ELAVL1: variants seen among roughly 807,000 people sequenced by gnomAD.
ELAVL1 encodes the protein ELAV-like protein 1.
A neutral mutation model predicts 28.4 loss-of-function variants in ELAVL1; 1 was observed. That is an observed-to-expected ratio of 0.04 (90% CI 0.01 to 0.17). The LOEUF is 0.17. ELAVL1 is among the 10% of genes least tolerant of loss of function. ELAVL1 has a pLI of 1.00. For synonymous variants in ELAVL1, 174 were observed against 183.5 expected (o/e 0.95, Z 0.42); for missense variants, 157 against 447.2 (o/e 0.35, Z 5.85).
chr19:7,959,430 CAA>C lies in ELAVL1; in HGVS notation c.*4051_*4052del, dbSNP rs148070294. ...AAACGGAACATCACATGGTCATGGTCAAAGAGGTGGCCCCAAACCAACGGAAA... is the reference window on the plus strand; with the variant it reads ...AAACGGAACATCACATGGTCATGGTCAGAGGTGGCCCCAAACCAACGGAAA... On this transcript the variant is annotated 3_prime_UTR_variant, in exon 6 of 6. Transcript: ENST00000407627. The C allele has an allele frequency of 0.031, 4,798 of 152,536 alleles. 124 individuals are homozygous for C. The highest frequency in any genetic ancestry group is 0.045 in the Non-Finnish European group (3,063 of 68,008). 9.4% of individuals were successfully genotyped at this position (152,536 alleles called of 1,614,324 possible). A position where few individuals can be genotyped will look rare whatever the true frequency, so the allele number is the denominator to read the frequency against.
At chr19:8,003,464 G>A (rs1257369967) in intron 1 of ELAVL1, among the ~76,000 whole-genome samples, 3 of 150,992 alleles carry the variant, frequency 2.0e-5, no homozygotes, top group South Asian at 2.1e-4. Flanking sequence ...AGGCCGAGGC[G>A]GGCGGATCAC....
Position 7,963,367 on chromosome 19 carries a change from CAGACAA to C in ELAVL1, c.*110_*115del, listed in dbSNP as rs961310919. ...TATAAAAACCTTCTCACTTCTCATT[CAGACAA>C]AGACAAACACTTGTGAAAATTGGCG... is the stretch of plus-strand genomic sequence containing the variant. On this transcript the variant is annotated 3_prime_UTR_variant, in exon 6 of 6. Coordinates refer to ENST00000407627, the MANE Select transcript of ELAVL1 (RefSeq NM_001419.3). The surrounding 1 kb of genome is among the most constrained non-coding windows in gnomAD (Gnocchi z 4.5). 16 of 1,261,566 alleles carry C rather than the reference CAGACAA, an allele frequency of 1.3e-5. No individual in the cohort carries two copies. The highest frequency in any genetic ancestry group is 4.5e-5 in the African/African-American group (3 of 66,664). The allele number at this position is 1,261,566 out of a possible 1,614,324, so 78.1% of individuals were successfully genotyped here. A position where few individuals can be genotyped will look rare whatever the true frequency, so the allele number is the denominator to read the frequency against.
rs1448958626 is a variant in ELAVL1, at chr19:7,979,739, G to A, written c.276+1344C>T. On this transcript the variant is annotated intron_variant, in intron 3 of 5. Transcript: ENST00000407627. This position sits in a 1 kb window ranked among gnomAD's most constrained non-coding sequence, Gnocchi z 5.4. Reference sequence around the variant, plus strand: ...GCAGGAGTGGCGCGCCTGCCCTCAGGGAGCCCACTGCACACCACGTCCATG... The same window carrying A: ...GCAGGAGTGGCGCGCCTGCCCTCAGAGAGCCCACTGCACACCACGTCCATG... 1.3e-5 allele frequency among the ~76,000 whole-genome samples: 2 copies of A among 152,206 alleles called. No individual in the cohort carries two copies. The highest frequency in any genetic ancestry group is 2.9e-5 in the Non-Finnish European group (2 of 68,044).
intron 3 of ELAVL1, among the ~76,000 whole-genome samples, chr19:7,975,666 C>T (rs1599668904): frequency 6.6e-6 from 1 of 152,208 alleles, no homozygotes; most frequent in Non-Finnish European, 1.5e-5. Flanking sequence ...ACCCCACAAT[C>T]CAAATTCATA....
At position 7,963,771 on chromosome 19, in the gene ELAVL1, G is replaced by C; in HGVS notation, c.693C>G (p.Leu231=). 6.2e-7 allele frequency: 1 copy of C among 1,614,236 alleles called. No individual in the cohort carries two copies. The highest frequency in any genetic ancestry group is 1.3e-5 in the African/African-American group (1 of 75,064). The change falls in exon 6 of 6, where the codon CTC becomes CTG. Residue 231 remains leucine (L), a synonymous_variant. Coordinates refer to ENST00000407627, the MANE Select transcript of ELAVL1 (RefSeq NM_001419.3). The surrounding 1 kb of genome is among the most constrained non-coding windows in gnomAD (Gnocchi z 4.5). ...CGTTTCCTGGCACGTTGACGCCAGA[G>C]AGCCCGCTCATGTGATCGACGCCCA... ...SPMGVDHMSG[L]SGVNVPGNAS... is the part of the protein sequence containing the mutation.
intron 3 of ELAVL1, among the ~76,000 whole-genome samples, chr19:7,978,334 A>G (rs916569630): frequency 1.3e-5 from 2 of 152,088 alleles, no homozygotes; most frequent in African/African-American, 4.8e-5. Context: ...ATGTGACTAG[A>G]CGGCTGGGGC....
In ELAVL1 at chr19:7,963,922, C is replaced by T; in HGVS notation, c.657-115G>A. ...TGGGCCCCATCCCGCTCTGCGCAGCCACGAGGTGCTCACGGTTGAGACACC... is the reference window on the plus strand; with the variant it reads ...TGGGCCCCATCCCGCTCTGCGCAGCTACGAGGTGCTCACGGTTGAGACACC... On this transcript the variant is annotated intron_variant, in intron 5 of 5. Coordinates refer to ENST00000407627, the MANE Select transcript of ELAVL1 (RefSeq NM_001419.3). The surrounding 1 kb of genome is among the most constrained non-coding windows in gnomAD (Gnocchi z 4.5). 8.3e-7 allele frequency: 1 copy of T among 1,200,426 alleles called. No homozygotes were observed. Among genetic ancestry groups the T allele is most frequent in the Non-Finnish European group, 1.1e-6 (1 of 875,102 alleles). 74.4% of individuals were successfully genotyped at this position (1,200,426 alleles called of 1,614,324 possible).
Position 7,972,878 on chromosome 19 carries a change from C to G in ELAVL1, c.430+847G>C, listed in dbSNP as rs890297620. 7 of 127,830 alleles carry G rather than the reference C, an allele frequency of 5.5e-5. No homozygotes were observed. In the East Asian group the frequency reaches 1.8e-3, roughly 34 times the overall value. The allele number at this position is 127,830 out of a possible 1,614,324, so 7.9% of individuals were successfully genotyped here. A position where few individuals can be genotyped will look rare whatever the true frequency, so the allele number is the denominator to read the frequency against. ...CCAGGCTGGAGTTCAGTGGCGCAAT[C>G]TCGGCTTGCTGCAATCTCCGCCTCC... On this transcript the variant is annotated intron_variant, in intron 4 of 5. Coordinates refer to ENST00000407627, the MANE Select transcript of ELAVL1 (RefSeq NM_001419.3).
rs1214025848 is a variant in ELAVL1, at chr19:7,963,871, C to CCTGGACGCATGCTGACCATGGCCG, written c.657-88_657-65dup. 6.5e-6 allele frequency: 10 copies of CCTGGACGCATGCTGACCATGGCCG among 1,537,438 alleles called. 1 individual carries two copies. The highest frequency in any genetic ancestry group is 4.1e-5 in the African/African-American group (3 of 72,994). ...CAGGCGGCCTGGGGATGGGGCAAGGCCTGGACGCATGCTGACCATGGCCGC... is the reference window on the plus strand; with the variant it reads ...CAGGCGGCCTGGGGATGGGGCAAGGCCTGGACGCATGCTGACCATGGCCGCTGGACGCATGCTGACCATGGCCGC... On this transcript the variant is annotated intron_variant, in intron 5 of 5. Coordinates refer to ENST00000407627, the MANE Select transcript of ELAVL1 (RefSeq NM_001419.3). The surrounding 1 kb of genome is among the most constrained non-coding windows in gnomAD (Gnocchi z 4.5).
intron 1 of ELAVL1, among the ~76,000 whole-genome samples, chr19:8,003,355 CAAAAAAAAAAAAAAAAAAAGA>C (rs1164802928): frequency 1.6e-5 from 1 of 61,094 alleles, no homozygotes; most frequent in African/African-American, 7.2e-5. Flanking sequence ...GAAACTGTCT[CAAAAAAAAAAAAAAAAAAAGA>C]AAAAGAAAAA....
At chr19:7,984,927 G>A (rs375990053) in intron 2 of ELAVL1, among the ~76,000 whole-genome samples, 22 of 152,236 alleles carry the variant, frequency 1.4e-4, no homozygotes, top group African/African-American at 5.1e-4. Flanking sequence ...AGGAGGAGGT[G>A]GGGGGGTTGC....
intron 2 of ELAVL1, among the ~76,000 whole-genome samples, chr19:7,989,057 C>T (rs961110343): frequency 2.6e-5 from 4 of 152,146 alleles, no homozygotes; most frequent in African/African-American, 9.7e-5. Flanking sequence ...CGGAGACACC[C>T]GTGTTGTGAG....
chr19:7,983,718 C>T (rs1246320440), intron 2 of ELAVL1, among the ~76,000 whole-genome samples: 4 of 152,150 alleles, frequency 2.6e-5, no homozygotes, highest in Admixed American at 6.5e-5. Flanking sequence ...GATAGGGACT[C>T]GAGCACCAAT....
At chr19:7,995,157 C>T (rs781054475) in intron 1 of ELAVL1, among the ~76,000 whole-genome samples, 10 of 152,158 alleles carry the variant, frequency 6.6e-5, no homozygotes, top group Non-Finnish European at 1.5e-4. Context: ...TAGAATAGAT[C>T]ACTGGCTCAA....
chr19:7,987,116 C>CGGGG (rs60108147), intron 2 of ELAVL1, among the ~76,000 whole-genome samples: 3 of 47,194 alleles, frequency 6.4e-5, no homozygotes, highest in African/African-American at 3.1e-4. Flanking sequence ...CGGGGGGTGC[C>CGGGG]GGGGGGGGGG....
chr19:7,997,953 AAAC>A (rs2145228382), intron 1 of ELAVL1, among the ~76,000 whole-genome samples: 2 of 152,194 alleles, frequency 1.3e-5, no homozygotes, highest in Middle Eastern at 3.4e-3. Context: ...CCTGCCTCAA[AAAC>A]AACAACAAAA....
intron 1 of ELAVL1, among the ~76,000 whole-genome samples, chr19:8,000,386 C>T (rs1487191805): frequency 6.6e-6 from 1 of 152,166 alleles, no homozygotes; most frequent in Non-Finnish European, 1.5e-5. Context: ...TTATGTGTGA[C>T]AGAAAAAGAG....
intron 5 of ELAVL1, among the ~76,000 whole-genome samples, chr19:7,964,837 G>A (rs1261672749): frequency 6.6e-6 from 1 of 152,230 alleles, no homozygotes; most frequent in African/African-American, 2.4e-5. Flanking sequence ...GTAAAGGTCT[G>A]AGGGTCAGTT....
intron 2 of ELAVL1, among the ~76,000 whole-genome samples, chr19:7,987,121 G>C (rs899526922): frequency 1.6e-4 from 24 of 149,842 alleles, no homozygotes; most frequent in Non-Finnish European, 2.4e-4. Flanking sequence ...GGTGCCGGGG[G>C]GGGGGGAGGG....
Sources: allele counts gnomAD v4.1 joint callset (sites outside exome capture counted in the v4.1 genomes callset), GRCh38; gene constraint gnomAD v4.1.1; non-coding constraint Gnocchi (gnomAD v3.1); transcripts MANE v1.5; gene names NCBI Gene and HGNC (gene_info 2026-07-23, HGNC 2026-07-21).